The following PPP1R21 variants were observed in gnomAD, a reference collection of about 807,000 sequenced individuals.
The protein encoded by PPP1R21 is protein phosphatase 1 regulatory subunit 21, also known as KLRAQ motif containing 1.
PPP1R21 carries 85 observed loss-of-function variants against 112.8 expected under a neutral mutation model. That is an observed-to-expected ratio of 0.75 (90% CI 0.63 to 0.90). The LOEUF (loss-of-function observed/expected upper bound fraction) is 0.90, where lower values mean the gene tolerates loss of function less well. PPP1R21 is among the 40% of genes least tolerant of loss of function. The pLI, the probability that PPP1R21 is intolerant of heterozygous loss-of-function variation, is 0.00. For missense variants in PPP1R21, 1,199 were observed against 901.5 expected (o/e 1.33, Z -4.23); for synonymous variants, 381 against 322.3 (o/e 1.18, Z -1.95).
chr2:48,465,523 C>G lies in PPP1R21; in HGVS notation c.778C>G (p.Leu260Val). ...GATGCGAGATATTGCTGGGCAGGCCCTGGCTTTTGTTCAGGATCTTGTGAC... is the reference window on the plus strand; with the variant it reads ...GATGCGAGATATTGCTGGGCAGGCCGTGGCTTTTGTTCAGGATCTTGTGAC... ...LKMRDIAGQA[L>V]AFVQDLVTAL... Residue 260 changes from leucine (L) to valine (V), a missense_variant, in exon 9 of 22, where the codon CTG becomes GTG. By Grantham distance (32) the Leu-to-Val change is conservative. Coordinates refer to ENST00000294952, the MANE Select transcript of PPP1R21 (RefSeq NM_001135629.3). 4 of 1,613,502 alleles carry G rather than the reference C, an allele frequency of 2.5e-6. No homozygotes were observed. The highest frequency in any genetic ancestry group is 3.4e-6 in the Non-Finnish European group (4 of 1,179,802).
chr2:48,452,870 T>TTCTA (rs1189588727), intron 2 of PPP1R21, among the ~76,000 whole-genome samples: 2 of 152,206 alleles, frequency 1.3e-5, no homozygotes, highest in African/African-American at 4.8e-5. Context: ...GAGCATATTG[T>TTCTA]TCTATCCCTC....
chr2:48,479,455 G>A (rs1333110695), intron 12 of PPP1R21: 1 of 471,526 alleles, frequency 2.1e-6, no homozygotes. Context: ...GAGACTTTAA[G>A]TGATTGTCCT....
intron 3 of PPP1R21, among the ~76,000 whole-genome samples, chr2:48,455,896 TC>T (rs1409811280): frequency 5.9e-5 from 9 of 151,472 alleles, no homozygotes; most frequent in Non-Finnish European, 1.3e-4. Context: ...CGCCTATAGT[TC>T]CAGCTGCTCG....
chr2:48,465,764 CAT>C (rs1367000109), intron 9 of PPP1R21, 122 bp downstream of exon 9: 7 of 762,622 alleles, frequency 9.2e-6, no homozygotes, highest in South Asian at 8.6e-5. Context: ...ACCCAAAAAG[CAT>C]AGTTTTTACT....
Position 48,514,759 on chromosome 2 carries a change from G to T in PPP1R21, c.*15G>T. 1 of 1,612,966 alleles carries T rather than the reference G, an allele frequency of 6.2e-7. No individual in the cohort carries two copies. The highest frequency in any genetic ancestry group is 1.1e-5 in the South Asian group (1 of 91,032). ...AGAGTCGATAGTTTTGAAATAGCTG[G>T]TTGGCGACTGTTCTTTCCAGACCTG... On this transcript the variant is annotated 3_prime_UTR_variant, in exon 22 of 22. Transcript: ENST00000294952.
chr2:48,506,121 G>A (rs900688622), intron 18 of PPP1R21, among the ~76,000 whole-genome samples: 2 of 152,178 alleles, frequency 1.3e-5, no homozygotes, highest in Admixed American at 1.3e-4. Context: ...TAGAGACAGA[G>A]TCTCATTATA....
At chr2:48,449,146 C>G (rs1667373297) in intron 1 of PPP1R21, among the ~76,000 whole-genome samples, 1 of 151,982 alleles carries the variant, frequency 6.6e-6, no homozygotes, top group African/African-American at 2.4e-5. Flanking sequence ...TCACCCATAT[C>G]AATCAAGGTG....
At position 48,466,611 on chromosome 2, in the gene PPP1R21, C is replaced by CA. The variant is rs563168444; in HGVS notation, c.897+970dup. On this transcript the variant is annotated intron_variant, in intron 9 of 21. Coordinates refer to ENST00000294952, the MANE Select transcript of PPP1R21 (RefSeq NM_001135629.3). ...TATGAGATCACCGGGGAATGGAGGT[C>CA]ACTGTAGGTGGTAATGTCTGGGAAA... is the stretch of plus-strand genomic sequence containing the variant. 2.2e-4 allele frequency among the ~76,000 whole-genome samples: 33 copies of CA among 152,152 alleles called. No individual in the cohort carries two copies. The South Asian group carries it at 6.6e-3, about 31-fold the overall frequency.
intron 17 of PPP1R21, among the ~76,000 whole-genome samples, chr2:48,502,768 C>T (rs1670181177): frequency 6.6e-6 from 1 of 150,414 alleles, no homozygotes; most frequent in Admixed American, 6.6e-5. Context: ...GCAAGCTCCG[C>T]TTCCCGGGTT....
chr2:48,465,682 A>C lies in PPP1R21; in HGVS notation c.897+40A>C. 3 of 1,576,654 alleles carry C rather than the reference A, an allele frequency of 1.9e-6. No individual in the cohort carries two copies. In the East Asian group the frequency reaches 6.7e-5, roughly 35 times the overall value. ...GGATACATTTTGTTTGCCCTGAACA[A>C]AATAGGGAGATATTGTTTGTTTTTA... On this transcript the variant is annotated intron_variant, in intron 9 of 21. Coordinates refer to ENST00000294952, the MANE Select transcript of PPP1R21 (RefSeq NM_001135629.3).
chr2:48,507,755 T>C (rs1453868291), intron 19 of PPP1R21, among the ~76,000 whole-genome samples: 1 of 88,450 alleles, frequency 1.1e-5, no homozygotes, highest in Non-Finnish European at 2.4e-5. Context: ...CTGCCTTTTT[T>C]TTTTTTTTTT....
In PPP1R21 at chr2:48,471,238, C is replaced by A. The variant is rs375491030; in HGVS notation, c.1000-41C>A. 2.5e-6 allele frequency: 4 copies of A among 1,608,536 alleles called. No individual in the cohort carries two copies. The African/African-American group carries it at 4.0e-5, about 16-fold the overall frequency. On this transcript the variant is annotated intron_variant, in intron 10 of 21. Coordinates refer to ENST00000294952, the MANE Select transcript of PPP1R21 (RefSeq NM_001135629.3). ...CTGGAAACTGGGAGCTCCTCTTTGT[C>A]CAGTAGCACTTTTAACCTTGAAATT...
intron 7 of PPP1R21, among the ~76,000 whole-genome samples, chr2:48,462,290 T>C (rs952433427): frequency 5.9e-5 from 9 of 152,262 alleles, no homozygotes; most frequent in African/African-American, 2.2e-4. Flanking sequence ...GCATAGGGGA[T>C]GCAAAAATTG....
At chr2:48,459,731 A>G in intron 4 of PPP1R21, 23 bp from the exon 5 acceptor site, 1 of 1,604,108 alleles carries the variant, frequency 6.2e-7, no homozygotes, top group Non-Finnish European at 8.5e-7. Context: ...TTGTGAGAAG[A>G]GAAAATGGTC....
intron 18 of PPP1R21, among the ~76,000 whole-genome samples, chr2:48,506,273 T>C (rs915018211): frequency 2.0e-5 from 3 of 152,318 alleles, no homozygotes; most frequent in South Asian, 4.1e-4. Context: ...TTTGTACTTC[T>C]AGTAGAGACA....
chr2:48,467,628 A>G (rs1668262857), intron 9 of PPP1R21, among the ~76,000 whole-genome samples: 1 of 152,206 alleles, frequency 6.6e-6, no homozygotes, highest in South Asian at 2.1e-4. Context: ...GTCCTCATAA[A>G]TGGCAGCTAA....
intron 17 of PPP1R21, among the ~76,000 whole-genome samples, chr2:48,501,602 A>C (rs1447735882): frequency 6.6e-6 from 1 of 152,210 alleles, no homozygotes; most frequent in East Asian, 1.9e-4. Context: ...CCTCTTAACC[A>C]AGATGGCCTT....
chr2:48,451,036 A>G lies in PPP1R21; in HGVS notation c.86A>G (p.Lys29Arg), dbSNP rs1052007192. 1 of 1,613,696 alleles carries G rather than the reference A, an allele frequency of 6.2e-7. No individual in the cohort carries two copies. Among genetic ancestry groups the G allele is most frequent in the Non-Finnish European group, 8.5e-7 (1 of 1,179,780 alleles). ...CGGGCTCAGAATCAGGTTCTGAAAA[A>G]AGGTGTTGTGGATGAACAAGCAAAT... ...KLRAQNQVLK[K>R]GVVDEQANSA... The change falls in exon 2 of 22, where the codon AAA (lysine) becomes AGA (arginine). Residue 29 changes from lysine (K) to arginine (R), a missense_variant. Coordinates refer to ENST00000294952, the MANE Select transcript of PPP1R21 (RefSeq NM_001135629.3).
chr2:48,474,792 A>G lies in PPP1R21; in HGVS notation c.1198A>G (p.Thr400Ala). ...GACAGCTGTGTTTGAGAAGCTGCAG[A>G]CTTACATAGCTCTTCTTGCCTTGCC... ...KMTAVFEKLQ[T>A]YIALLALPST... Residue 400 changes from threonine (T) to alanine (A), a missense_variant, in exon 12 of 22, where the codon ACT (threonine) becomes GCT (alanine). By Grantham distance (58) the Thr-to-Ala change is moderately conservative. Coordinates refer to ENST00000294952, the MANE Select transcript of PPP1R21 (RefSeq NM_001135629.3). 1 of 1,613,752 alleles carries G rather than the reference A, an allele frequency of 6.2e-7. No homozygotes were observed. Among genetic ancestry groups the G allele is most frequent in the East Asian group, 2.2e-5 (1 of 44,864 alleles).
Sources: allele counts gnomAD v4.1 joint callset (sites outside exome capture counted in the v4.1 genomes callset), GRCh38; gene constraint gnomAD v4.1.1; transcripts MANE v1.5; gene names NCBI Gene and HGNC (gene_info 2026-07-23, HGNC 2026-07-21).